SPIDR: variants seen among roughly 807,000 people sequenced by gnomAD.
SPIDR encodes the protein DNA repair-scaffolding protein.
SPIDR carries 93 observed loss-of-function variants against 104.6 expected under a neutral mutation model. That is an observed-to-expected ratio of 0.89 (90% CI 0.75 to 1.06). SPIDR has a LOEUF of 1.06. Among genes scored for constraint, SPIDR ranks in the 50% least tolerant of loss-of-function variants. The pLI is 0.00. For synonymous variants in SPIDR, 431 were observed against 416.9 expected (o/e 1.03, Z -0.41); for missense variants, 1,154 against 1,111.2 (o/e 1.04, Z -0.55).
intron 14 of SPIDR, among the ~76,000 whole-genome samples, chr8:47,710,943 C>T (rs556729549): frequency 7.9e-5 from 12 of 151,906 alleles, no homozygotes; most frequent in Middle Eastern, 3.4e-3. Flanking sequence ...CCACACCCAG[C>T]TTTATTTTAT....
At chr8:47,647,616 A>AGAGAGAGAGAGAGAGAG (rs2070674174) in intron 10 of SPIDR, among the ~76,000 whole-genome samples, 1 of 60,456 alleles carries the variant, frequency 1.7e-5, no homozygotes, top group South Asian at 5.8e-4. Flanking sequence ...TCCATCTCGA[A>AGAGAGAGAGAGAGAGAG]AGAGAGAGAG....
At chr8:47,273,364 A>C (rs1002819685) in intron 1 of SPIDR, among the ~76,000 whole-genome samples, 218 of 152,370 alleles carry the variant, frequency 1.4e-3, no homozygotes, top group Non-Finnish European at 2.6e-3. Flanking sequence ...ATGAACAGCC[A>C]GATGAAGAGA....
chr8:47,395,799 G>T (rs2061183995), intron 5 of SPIDR, among the ~76,000 whole-genome samples: 1 of 152,114 alleles, frequency 6.6e-6, no homozygotes, highest in African/African-American at 2.4e-5. Context: ...CTTAGGAAAA[G>T]GAGACAATGA....
chr8:47,403,804 T>A (rs888172697), intron 6 of SPIDR, among the ~76,000 whole-genome samples: 16 of 152,078 alleles, frequency 1.1e-4, no homozygotes, highest in Non-Finnish European at 2.4e-4. Flanking sequence ...TTCAATGCCA[T>A]CCCCATCAAG....
chr8:47,533,352 C>T (rs771137144), intron 8 of SPIDR, among the ~76,000 whole-genome samples: 6 of 152,036 alleles, frequency 3.9e-5, no homozygotes, highest in African/African-American at 7.2e-5. Flanking sequence ...GTACCATCCT[C>T]GACATAGGAA....
intron 7 of SPIDR, among the ~76,000 whole-genome samples, chr8:47,433,897 G>A (rs1452077617): frequency 8.7e-5 from 5 of 57,382 alleles, no homozygotes; most frequent in Non-Finnish European, 1.3e-4. Flanking sequence ...GAGGAAAAAC[G>A]TAGAGCAGGG....
intron 16 of SPIDR, among the ~76,000 whole-genome samples, chr8:47,724,087 A>C (rs73571467): frequency 0.018 from 2,754 of 151,802 alleles, 84 homozygotes; most frequent in African/African-American, 0.064. Context: ...CTGACATTTC[A>C]TTTTCCTCAT....
intron 8 of SPIDR, among the ~76,000 whole-genome samples, chr8:47,537,711 A>G (rs1369817739): frequency 1.3e-5 from 2 of 152,220 alleles, no homozygotes; most frequent in Admixed American, 6.5e-5. Context: ...ACTTTACTCA[A>G]TAAGGTGTCA....
chr8:47,316,005 A>G (rs1374113234), intron 5 of SPIDR, among the ~76,000 whole-genome samples: 7 of 152,234 alleles, frequency 4.6e-5, no homozygotes, highest in Non-Finnish European at 1.5e-5. Flanking sequence ...CTTCTTCAAA[A>G]TAAAAAACTT....
At chr8:47,423,549 C>T (rs544372130) in intron 7 of SPIDR, among the ~76,000 whole-genome samples, 1 of 151,992 alleles carries the variant, frequency 6.6e-6, no homozygotes, top group Non-Finnish European at 1.5e-5. Flanking sequence ...TTTTTGTGAG[C>T]CGAGATCACG....
intron 8 of SPIDR, among the ~76,000 whole-genome samples, chr8:47,491,328 C>T (rs535534999): frequency 1.0e-3 from 152 of 151,740 alleles, no homozygotes; most frequent in African/African-American, 3.5e-3. Context: ...TTCTTAAAGG[C>T]GGTCAATAAA....
chr8:47,488,703 A>G (rs929137927), intron 8 of SPIDR, among the ~76,000 whole-genome samples: 7 of 152,236 alleles, frequency 4.6e-5, no homozygotes, highest in Non-Finnish European at 1.0e-4. Context: ...CAACATACGC[A>G]AATCAATAAA....
chr8:47,718,707 T>G lies in SPIDR; in HGVS notation c.2341+5066T>G, dbSNP rs369566358. ...CAGACATTACCTATAAACTTCATTT[T>G]CTTTTATAGAAATATTGAAGAATAG... On this transcript the variant is annotated intron_variant, in intron 16 of 19. Coordinates refer to ENST00000297423, the MANE Select transcript of SPIDR (RefSeq NM_001080394.4). Among the ~76,000 whole-genome samples, 28 of 152,316 alleles carry G rather than the reference T, an allele frequency of 1.8e-4. 1 individual carries two copies. Among genetic ancestry groups the G allele is most frequent in the African/African-American group, 6.5e-4 (27 of 41,580 alleles).
intron 5 of SPIDR, among the ~76,000 whole-genome samples, chr8:47,346,691 G>A (rs1364684002): frequency 6.6e-6 from 1 of 152,160 alleles, no homozygotes; most frequent in Non-Finnish European, 1.5e-5. Flanking sequence ...AGTCTTGGGA[G>A]GGTGTATGTT....
intron 10 of SPIDR, among the ~76,000 whole-genome samples, chr8:47,606,985 C>T (rs949316776): frequency 1.1e-4 from 16 of 152,334 alleles, no homozygotes; most frequent in Admixed American, 1.0e-3. Flanking sequence ...GGGACCATTT[C>T]ACCTGCTTTT....
chr8:47,715,217 C>A (rs1333982687), intron 16 of SPIDR, among the ~76,000 whole-genome samples: 1 of 152,038 alleles, frequency 6.6e-6, no homozygotes, highest in Non-Finnish European at 1.5e-5. Flanking sequence ...CGCTCTGTCA[C>A]CCAGGCTGGA....
chr8:47,483,173 G>A (rs1336818271), intron 8 of SPIDR, among the ~76,000 whole-genome samples: 2 of 150,724 alleles, frequency 1.3e-5, no homozygotes, highest in African/African-American at 2.4e-5. Flanking sequence ...TTTTGTTTGT[G>A]TGTGTGTCTT....
chr8:47,415,773 GT>G (rs1258568957), intron 7 of SPIDR, among the ~76,000 whole-genome samples: 3 of 152,116 alleles, frequency 2.0e-5, no homozygotes, highest in Non-Finnish European at 4.4e-5. Context: ...CACAGCTCTG[GT>G]TTTTTTGTTG....
At position 47,505,503 on chromosome 8, in the gene SPIDR, G is replaced by T. The variant is rs144921138; in HGVS notation, c.1097+64961G>T. Among the ~76,000 whole-genome samples the T allele has an allele frequency of 3.2e-3, 480 of 152,296 alleles. 3 individuals carry two copies. The highest frequency in any genetic ancestry group is 0.011 in the African/African-American group (453 of 41,558). ...ATTGGAAAAGCGCAGTATTAGGGTGGGAGTGACCCAATTTTCCAGGTGCCA... is the reference window on the plus strand; with the variant it reads ...ATTGGAAAAGCGCAGTATTAGGGTGTGAGTGACCCAATTTTCCAGGTGCCA... On this transcript the variant is annotated intron_variant, in intron 8 of 19. Coordinates refer to ENST00000297423, the MANE Select transcript of SPIDR (RefSeq NM_001080394.4).
Sources: allele counts gnomAD v4.1 joint callset (sites outside exome capture counted in the v4.1 genomes callset), GRCh38; gene constraint gnomAD v4.1.1; transcripts MANE v1.5; gene names NCBI Gene and HGNC (gene_info 2026-07-23, HGNC 2026-07-21).